Variants in ANXA10 observed in about 807,000 individuals in gnomAD.
ANXA10 encodes the protein annexin A10.
ANXA10 carries 49 observed loss-of-function variants against 53.5 expected under a neutral mutation model. The ratio of observed to expected loss-of-function variants is 0.92; its 90% CI spans 0.73 to 1.16. The LOEUF is 1.16. Among genes scored for constraint, ANXA10 ranks in the 50% most tolerant of loss-of-function variants. The pLI, the probability that ANXA10 is intolerant of heterozygous loss-of-function variation, is 0.00. For missense variants in ANXA10, 393 were observed against 394.4 expected (o/e 1.00, Z 0.03); for synonymous variants, 131 against 128.9 (o/e 1.02, Z -0.11).
intron 1 of ANXA10, among the ~76,000 whole-genome samples, chr4:168,119,590 T>C (rs912679406): frequency 2.0e-5 from 3 of 152,152 alleles, no homozygotes; most frequent in African/African-American, 7.2e-5. Flanking sequence ...GCTGTATATG[T>C]TTCAAAAAGT....
At chr4:168,182,748 T>G (rs767925589) in intron 10 of ANXA10, among the ~76,000 whole-genome samples, 3 of 149,500 alleles carry the variant, frequency 2.0e-5, no homozygotes, top group African/African-American at 7.3e-5. Context: ...CAGTGGCTCA[T>G]GCCTGTAATC....
At chr4:168,113,077 T>A (rs1730837085) in intron 1 of ANXA10, among the ~76,000 whole-genome samples, 1 of 152,156 alleles carries the variant, frequency 6.6e-6, no homozygotes, top group South Asian at 2.1e-4. Flanking sequence ...ATCTGTTTCT[T>A]CAACTTTAGT....
At position 168,156,625 on chromosome 4, in the gene ANXA10, TC is replaced by T. The variant is rs1731689185; in HGVS notation, c.196-5900del. Among the ~76,000 whole-genome samples, 3 of 150,826 alleles carry T rather than the reference TC, an allele frequency of 2.0e-5. No individual in the cohort carries two copies. The South Asian group carries it at 6.3e-4, about 31-fold the overall frequency. On this transcript the variant is annotated intron_variant, in intron 3 of 11. Transcript: ENST00000359299. ...TTCACGCCATTCTCCTGCCTCAGCCTCCCAAGTAGCTGGAACTACAGGCACC... is the reference window on the plus strand; with the variant it reads ...TTCACGCCATTCTCCTGCCTCAGCCTCCAAGTAGCTGGAACTACAGGCACC...
chr4:168,165,242 T>C lies in ANXA10; in HGVS notation c.401-5T>C, dbSNP rs1392168325. 6.5e-7 allele frequency: 1 copy of C among 1,539,706 alleles called. No homozygotes were observed. The highest frequency in any genetic ancestry group is 8.9e-7 in the Non-Finnish European group (1 of 1,120,856). ...ATCATACCTTTAACATGTTTTCTTA[T>C]ACAGAATACAGCAATAACCTCCAAG... On this transcript the variant is annotated splice_region_variant and splice_polypyrimidine_tract_variant and intron_variant, in intron 5 of 11. Transcript: ENST00000359299.
intron 1 of ANXA10, among the ~76,000 whole-genome samples, chr4:168,121,192 CAT>C (rs542755919): frequency 1.2e-3 from 182 of 152,052 alleles, no homozygotes; most frequent in African/African-American, 3.8e-3. Flanking sequence ...TTTGAGTAAA[CAT>C]ATGTCTTTTA....
chr4:168,118,813 T>C (rs1730939817), intron 1 of ANXA10, among the ~76,000 whole-genome samples: 1 of 152,190 alleles, frequency 6.6e-6, no homozygotes, highest in Non-Finnish European at 1.5e-5. Context: ...TCATGGTATA[T>C]CCTATTTTTT....
At chr4:168,107,758 A>T (rs1477305060) in intron 1 of ANXA10, among the ~76,000 whole-genome samples, 1 of 152,120 alleles carries the variant, frequency 6.6e-6, no homozygotes, top group Non-Finnish European at 1.5e-5. Context: ...CAGAGACTCA[A>T]ATTTTTCTCA....
chr4:168,181,464 CAGAT>C (rs1732244175), intron 9 of ANXA10, among the ~76,000 whole-genome samples: 1 of 151,014 alleles, frequency 6.6e-6, no homozygotes, highest in African/African-American at 2.4e-5. Context: ...AGAGTTCCAA[CAGAT>C]AGAAATAGAC....
chr4:168,167,929 C>T (rs905980981), intron 6 of ANXA10, among the ~76,000 whole-genome samples: 2 of 152,154 alleles, frequency 1.3e-5, no homozygotes, highest in Non-Finnish European at 2.9e-5. Flanking sequence ...GCTTACATTG[C>T]TTGGAATCAG....
chr4:168,184,749 T>C, intron 11 of ANXA10, 68 bp downstream of exon 11: 1 of 1,582,542 alleles, frequency 6.3e-7, no homozygotes, highest in Non-Finnish European at 8.6e-7. Context: ...ATAAAAGTTC[T>C]CATTCAAATA....
chr4:168,163,993 T>C (rs899485095), intron 4 of ANXA10, among the ~76,000 whole-genome samples: 2 of 152,172 alleles, frequency 1.3e-5, no homozygotes, highest in African/African-American at 4.8e-5. Context: ...ACAGTTTCCT[T>C]CAGATAATAT....
chr4:168,180,586 A>G (rs2149481469), intron 9 of ANXA10, among the ~76,000 whole-genome samples: 1 of 152,312 alleles, frequency 6.6e-6, no homozygotes, highest in South Asian at 2.1e-4. Context: ...AAAAACAGCA[A>G]AAGTTCACTG....
intron 10 of ANXA10, among the ~76,000 whole-genome samples, chr4:168,182,014 G>A (rs1005476717): frequency 6.6e-6 from 1 of 152,084 alleles, no homozygotes; most frequent in Non-Finnish European, 1.5e-5. Context: ...TGCAGAAACT[G>A]GTAAATTCAA....
At chr4:168,114,055 G>A (rs1050964851) in intron 1 of ANXA10, among the ~76,000 whole-genome samples, 37 of 152,138 alleles carry the variant, frequency 2.4e-4, no homozygotes, top group Admixed American at 2.4e-3. Flanking sequence ...AGAATGCTAA[G>A]GGCAATTTGG....
At chr4:168,155,759 AAT>A (rs1731619847) in intron 3 of ANXA10, among the ~76,000 whole-genome samples, 1 of 25,032 alleles carries the variant, frequency 4.0e-5, no homozygotes, top group African/African-American at 2.0e-4. Flanking sequence ...TATATTATAT[AAT>A]ATATGATATA....
At chr4:168,119,609 A>G (rs1560962995) in intron 1 of ANXA10, among the ~76,000 whole-genome samples, 1 of 152,180 alleles carries the variant, frequency 6.6e-6, no homozygotes, top group African/African-American at 2.4e-5. Flanking sequence ...GTTTAGAACC[A>G]TATTAATATG....
chr4:168,162,009 T>A (rs1731792369), intron 3 of ANXA10, among the ~76,000 whole-genome samples: 1 of 152,202 alleles, frequency 6.6e-6, no homozygotes, highest in Admixed American at 6.6e-5. Flanking sequence ...TGACTTTCAA[T>A]ATTTAAAATA....
At chr4:168,172,892 C>T (rs1056246275) in intron 6 of ANXA10, among the ~76,000 whole-genome samples, 4 of 150,994 alleles carry the variant, frequency 2.6e-5, no homozygotes, top group Admixed American at 2.0e-4. Context: ...TGGGTTCAAG[C>T]GATTCTCCTG....
chr4:168,132,124 G>T (rs1731165613), intron 2 of ANXA10, among the ~76,000 whole-genome samples: 1 of 152,036 alleles, frequency 6.6e-6, no homozygotes. Flanking sequence ...ATCCACTGCT[G>T]GGTATATACC....
Sources: gnomAD v4.1 joint callset for allele counts (sites outside exome capture counted in the v4.1 genomes callset) on GRCh38, gnomAD v4.1.1 for gene constraint, MANE v1.5 for transcripts, NCBI Gene and HGNC (gene_info 2026-07-23, HGNC 2026-07-21) for gene names.